DIMT1: variants seen among roughly 807,000 people sequenced by gnomAD.
DIMT1 encodes the protein dimethyladenosine transferase.
DIMT1 carries 36 observed loss-of-function variants against 43.2 expected under a neutral mutation model. The ratio of observed to expected loss-of-function variants is 0.83; its 90% CI spans 0.64 to 1.10. The LOEUF (loss-of-function observed/expected upper bound fraction) is 1.10. DIMT1 is among the 50% of genes least tolerant of loss of function. DIMT1 has a pLI of 0.00. For missense variants in DIMT1, 341 were observed against 385.3 expected (o/e 0.88, Z 0.96); for synonymous variants, 126 against 130.3 (o/e 0.97, Z 0.22).
chr5:62,392,826 T>G, intron 9 of DIMT1, 100 bp downstream of exon 9: 1 of 713,164 alleles, frequency 1.4e-6, no homozygotes, highest in Non-Finnish European at 2.4e-6. Context: ...GGACCCATAA[T>G]CTTTATGCTT....
At position 62,390,956 on chromosome 5, in the gene DIMT1, T is replaced by C. The variant is rs759545716; in HGVS notation, c.819A>G (p.Ala273=). 3 of 1,613,088 alleles carry C rather than the reference T, an allele frequency of 1.9e-6. No homozygotes were observed. Among genetic ancestry groups the C allele is most frequent in the South Asian group, 2.2e-5 (2 of 91,042 alleles). ...TGGTTAGGATTTGCTGTATTTTATC[T>C]GCTATGCTGAAATCTTCTGGTATTA... ...NIIIPEDFSI[A]DKIQQILTST... The change falls in exon 11 of 12, where the codon GCA becomes GCG. Residue 273 remains alanine (A), a synonymous_variant. Transcript: ENST00000199320.
At position 62,398,673 on chromosome 5, in the gene DIMT1, A is replaced by G. The variant is rs1742587557; in HGVS notation, c.369T>C (p.Asp123=). The part of the protein sequence containing the change: ...DVLKTDLPFF[D]TCVANLPYQI... Reference sequence around the variant, plus strand: ...GATAAGGCAAATTTGCCACACAAGTATCAAAGAATGGCAAATCTGTTTTCA... The same window carrying G: ...GATAAGGCAAATTTGCCACACAAGTGTCAAAGAATGGCAAATCTGTTTTCA... Residue 123 remains aspartate (D), a synonymous_variant, in exon 5 of 12, where the codon GAT becomes GAC. Coordinates refer to ENST00000199320, the MANE Select transcript of DIMT1 (RefSeq NM_014473.4). 6.2e-7 allele frequency: 1 copy of G among 1,614,124 alleles called. No homozygotes were observed. The highest frequency in any genetic ancestry group is 1.7e-5 in the Admixed American group (1 of 60,014).
chr5:62,390,873 T>C lies in DIMT1; in HGVS notation c.899+3A>G. ...ACACTTAGGAAAACAAAAATGTAAT[T>C]ACCTGATGAAGTCATCTATGTCCAT... On this transcript the variant is annotated splice_donor_region_variant and intron_variant, in intron 11 of 11. Coordinates refer to ENST00000199320, the MANE Select transcript of DIMT1 (RefSeq NM_014473.4). The C allele has an allele frequency of 6.2e-7, 1 of 1,610,354 alleles. No homozygotes were observed. Among genetic ancestry groups the C allele is most frequent in the South Asian group, 1.1e-5 (1 of 90,936 alleles).
chr5:62,392,878 A>G (rs1388744813), intron 9 of DIMT1, 48 bp downstream of exon 9: 3 of 1,328,410 alleles, frequency 2.3e-6, no homozygotes, highest in Admixed American at 3.5e-5. Flanking sequence ...CTAGCATAGT[A>G]TCTGGAGCAC....
chr5:62,391,639 T>C, intron 10 of DIMT1: 6 of 1,045,670 alleles, frequency 5.7e-6, no homozygotes, highest in Non-Finnish European at 4.7e-6. Flanking sequence ...CTAATTAAAC[T>C]GGAAGCTAAA....
intron 9 of DIMT1, 25 bp from the exon 10 acceptor site, chr5:62,392,259 CTGT>C (rs1017982652): frequency 6.3e-7 from 1 of 1,596,594 alleles, no homozygotes; most frequent in African/African-American, 1.3e-5. Context: ...AGTGATGCCA[CTGT>C]TATTATTCCA....
intron 3 of DIMT1, 55 bp from the exon 4 acceptor site, chr5:62,398,936 ATTGT>A: frequency 7.5e-7 from 1 of 1,339,314 alleles, no homozygotes; most frequent in Non-Finnish European, 1.0e-6. Context: ...TAAATCTTTT[ATTGT>A]TATCCCAACA....
chr5:62,403,321 C>T lies in DIMT1; in HGVS notation c.105G>A (p.Gly35=). The T allele has an allele frequency of 6.2e-7, 1 of 1,613,962 alleles. No homozygotes were observed. The highest frequency in any genetic ancestry group is 8.5e-7 in the Non-Finnish European group (1 of 1,179,874). Residue 35 remains glycine (G), a synonymous_variant, in exon 2 of 12, where the codon GGG becomes GGA. Transcript: ENST00000199320. ...AGGLMFNTGI[G]QHILKNPLII... The stretch of plus-strand genomic sequence containing the variant: ...TGAGAGGATTTTTCAAAATGTGCTG[C>T]CCAATCCCCGTGTTGAACATGAGTC...
In DIMT1 at chr5:62,394,033, G is replaced by A. The variant is rs372454321; in HGVS notation, c.585C>T (p.Asn195=). The change falls in exon 8 of 12, where the codon AAC becomes AAT. Residue 195 remains asparagine (N), a synonymous_variant. Coordinates refer to ENST00000199320, the MANE Select transcript of DIMT1 (RefSeq NM_014473.4). ...ATTCCACCTTGGGCGGTGGTCTGAA[G>A]TTATTCTTTCCCACCTGTTAATGAA... ...VDHLMKVGKN[N]FRPPPKVESS... 1 of 1,611,198 alleles carries A rather than the reference G, an allele frequency of 6.2e-7. No individual in the cohort carries two copies. Among genetic ancestry groups the A allele is most frequent in the Non-Finnish European group, 8.5e-7 (1 of 1,179,428 alleles).
Position 62,388,944 on chromosome 5 carries a change from C to A in DIMT1, c.*66G>T. 1 of 1,477,284 alleles carries A rather than the reference C, an allele frequency of 6.8e-7. No homozygotes were observed. Among genetic ancestry groups the A allele is most frequent in the South Asian group, 1.2e-5 (1 of 85,444 alleles). 91.5% of individuals were successfully genotyped at this position (1,477,284 alleles called of 1,614,324 possible). ...CTCAGTAAAGCAAAAGCATTATCTTCTCAAATACAAAAAATACAAAATTCA... is the reference window on the plus strand; with the variant it reads ...CTCAGTAAAGCAAAAGCATTATCTTATCAAATACAAAAAATACAAAATTCA... On this transcript the variant is annotated 3_prime_UTR_variant, in exon 12 of 12. Coordinates refer to ENST00000199320, the MANE Select transcript of DIMT1 (RefSeq NM_014473.4).
At position 62,403,750 on chromosome 5, in the gene DIMT1, G is replaced by T; in HGVS notation, c.23C>A (p.Ala8Asp). 6.2e-7 allele frequency: 1 copy of T among 1,610,210 alleles called. No homozygotes were observed. The highest frequency in any genetic ancestry group is 1.1e-5 in the South Asian group (1 of 90,936). Reference sequence around the variant, plus strand: ...CTGCCGCCCGCGGCGGCGGCCGATGGCCCCCGACTTGACCTTCGGCATCTC... The same window carrying T: ...CTGCCGCCCGCGGCGGCGGCCGATGTCCCCCGACTTGACCTTCGGCATCTC... MPKVKSG[A>D]IGRRRGRQEQ... The change falls in exon 1 of 12, where the codon GCC becomes GAC. Residue 8 changes from alanine to aspartate, a missense_variant. Physicochemically the swap from Ala to Asp is moderately radical, Grantham distance 126. Transcript: ENST00000199320.
chr5:62,388,973 C>G lies in DIMT1; in HGVS notation c.*37G>C, dbSNP rs766963889. On this transcript the variant is annotated 3_prime_UTR_variant, in exon 12 of 12. Coordinates refer to ENST00000199320, the MANE Select transcript of DIMT1 (RefSeq NM_014473.4). ...AATACAAAAAATACAAAATTCATTTCTTTTCTTGACCTTGAAAATTTCTGT... is the reference window on the plus strand; with the variant it reads ...AATACAAAAAATACAAAATTCATTTGTTTTCTTGACCTTGAAAATTTCTGT... 1 of 1,574,800 alleles carries G rather than the reference C, an allele frequency of 6.4e-7. No homozygotes were observed. Among genetic ancestry groups the G allele is most frequent in the African/African-American group, 1.4e-5 (1 of 73,358 alleles).
Position 62,390,902 on chromosome 5 carries a change from A to T in DIMT1, c.873T>A (p.Arg291=). The T allele has an allele frequency of 6.2e-7, 1 of 1,602,616 alleles. No individual in the cohort carries two copies. The highest frequency in any genetic ancestry group is 8.5e-7 in the Non-Finnish European group (1 of 1,171,956). ...TSTGFSDKRA[R]SMDIDDFIRL... Reference sequence around the variant, plus strand: ...TGATGAAGTCATCTATGTCCATGGAACGGGCCCGTTTGTCACTAAAACCTG... The same window carrying T: ...TGATGAAGTCATCTATGTCCATGGATCGGGCCCGTTTGTCACTAAAACCTG... The change falls in exon 11 of 12, where the codon CGT becomes CGA. Residue 291 remains arginine, a synonymous_variant. Transcript: ENST00000199320.
Position 62,388,846 on chromosome 5 carries a change from A to G in DIMT1, c.*164T>C. 1 of 663,834 alleles carries G rather than the reference A, an allele frequency of 1.5e-6. No homozygotes were observed. Among genetic ancestry groups the G allele is most frequent in the South Asian group, 1.9e-5 (1 of 52,448 alleles). 41.1% of individuals were successfully genotyped at this position (663,834 alleles called of 1,614,324 possible). A position where few individuals can be genotyped will look rare whatever the true frequency, so the allele number is the denominator to read the frequency against. ...AAACTTTGATACTTAGAACTTTCCA[A>G]CTTTAAAATTCAGAATCATAAATGG... On this transcript the variant is annotated 3_prime_UTR_variant, in exon 12 of 12. Transcript: ENST00000199320.
chr5:62,391,045 T>C, intron 10 of DIMT1, 63 bp from the exon 11 acceptor site: 1 of 1,378,640 alleles, frequency 7.3e-7, no homozygotes. Context: ...CTTGACTCTT[T>C]TTTTTAGTTC....
chr5:62,402,876 T>C lies in DIMT1; in HGVS notation c.153+397A>G, dbSNP rs1742755775. On this transcript the variant is annotated intron_variant, in intron 2 of 11. Transcript: ENST00000199320. The stretch of plus-strand genomic sequence containing the variant: ...AAGCAATTTATATGTGGTACTAGCA[T>C]ACACCAAATAATTTATATGTAGTAC... Among the ~76,000 whole-genome samples the C allele has an allele frequency of 2.0e-5, 3 of 152,214 alleles. No homozygotes were observed. The South Asian group carries it at 6.2e-4, about 31-fold the overall frequency.
intron 11 of DIMT1, among the ~76,000 whole-genome samples, chr5:62,390,474 G>C (rs2112032430): frequency 6.6e-6 from 1 of 152,246 alleles, no homozygotes. Context: ...TCCCAGTAAG[G>C]AAATTTTAAA....
At position 62,402,213 on chromosome 5, in the gene DIMT1, C is replaced by T. The variant is rs570826694; in HGVS notation, c.154-91G>A. 8,807 of 1,245,380 alleles carry T rather than the reference C, an allele frequency of 7.1e-3. 42 individuals are homozygous for T. Among genetic ancestry groups the T allele is most frequent in the Non-Finnish European group, 8.1e-3 (7,087 of 870,548 alleles). The allele number at this position is 1,245,380 out of a possible 1,614,324, so 77.1% of individuals were successfully genotyped here. A position where few individuals can be genotyped will look rare whatever the true frequency, so the allele number is the denominator to read the frequency against. On this transcript the variant is annotated intron_variant, in intron 2 of 11. Transcript: ENST00000199320. ...TGAACATCTTTACTCATATGTGCTC[C>T]GATAAGAGCTCTTAATCTGACTCCA... is the stretch of plus-strand genomic sequence containing the variant.
At chr5:62,389,335 A>G (rs1252118441) in intron 11 of DIMT1, among the ~76,000 whole-genome samples, 1 of 151,792 alleles carries the variant, frequency 6.6e-6, no homozygotes, top group African/African-American at 2.4e-5. Flanking sequence ...AAAATACAAA[A>G]ATTAGCCTGG....
Sources: gnomAD v4.1 joint callset for allele counts (sites outside exome capture counted in the v4.1 genomes callset) on GRCh38, gnomAD v4.1.1 for gene constraint, MANE v1.5 for transcripts, NCBI Gene and HGNC (gene_info 2026-07-23, HGNC 2026-07-21) for gene names.